The following GABRB1 variants were observed in gnomAD, a reference collection of about 807,000 sequenced individuals.
GABRB1 encodes gamma-aminobutyric acid receptor subunit beta-1.
In GABRB1, 17 loss-of-function variants were observed where a neutral mutation model predicts 51.6. The ratio of observed to expected loss-of-function variants is 0.33; its 90% CI spans 0.23 to 0.49. GABRB1 has a LOEUF of 0.49. Ranked by LOEUF, GABRB1 falls within the 20% of genes least tolerant of loss-of-function variation. The pLI is 0.99. For missense variants in GABRB1, 410 were observed against 600.6 expected, an observed-to-expected ratio of 0.68 and a Z score of 3.32; for synonymous variants, 247 against 218.9, an observed-to-expected ratio of 1.13 and a Z score of -1.14.
chr4:47,237,318 G>T (rs151068617), intron 4 of GABRB1, among the ~76,000 whole-genome samples: 1 of 151,830 alleles, frequency 6.6e-6, no homozygotes, highest in Non-Finnish European at 1.5e-5. Context: ...TTGCACCAGG[G>T]ACTATACAAG....
At chr4:47,000,851 C>T (rs1207153075) in intron 1 of GABRB1, among the ~76,000 whole-genome samples, 2 of 152,174 alleles carry the variant, frequency 1.3e-5, no homozygotes, top group African/African-American at 2.4e-5. Flanking sequence ...TATGACCAAA[C>T]CTTGAAAGTC....
At chr4:47,268,566 C>T (rs910334762) in intron 4 of GABRB1, among the ~76,000 whole-genome samples, 2 of 152,060 alleles carry the variant, frequency 1.3e-5, no homozygotes, top group Non-Finnish European at 2.9e-5. Flanking sequence ...TTTTACTATT[C>T]GCTAAGCTCC....
At chr4:47,115,093 T>C (rs146364379) in intron 3 of GABRB1, among the ~76,000 whole-genome samples, 27 of 152,326 alleles carry the variant, frequency 1.8e-4, no homozygotes, top group Middle Eastern at 3.4e-3. Context: ...AGTTTAATGA[T>C]TACTCCTTTC....
At chr4:47,118,667 A>T (rs1297732145) in intron 3 of GABRB1, among the ~76,000 whole-genome samples, 5 of 152,162 alleles carry the variant, frequency 3.3e-5, no homozygotes, top group Non-Finnish European at 7.4e-5. Flanking sequence ...ATGATTATTG[A>T]ACTAGTAGCC....
chr4:47,099,497 T>C (rs1053208987), intron 3 of GABRB1, among the ~76,000 whole-genome samples: 1 of 152,134 alleles, frequency 6.6e-6, no homozygotes, highest in Non-Finnish European at 1.5e-5. Flanking sequence ...TGGAGGAAGT[T>C]CATAATGACC....
chr4:47,029,472 A>T (rs1191414384), upstream of GABRB1, among the ~76,000 whole-genome samples: 1 of 151,356 alleles, frequency 6.6e-6, no homozygotes, highest in Non-Finnish European at 1.5e-5. Flanking sequence ...AAACCTTCTG[A>T]TGGTTAAATT....
intron 3 of GABRB1, among the ~76,000 whole-genome samples, chr4:47,036,316 A>G (rs1439812428): frequency 6.6e-6 from 1 of 152,196 alleles, no homozygotes; most frequent in Non-Finnish European, 1.5e-5. Context: ...ATATCTCATT[A>G]CTATCACTGT....
In GABRB1 at chr4:47,357,822, T is replaced by C. The variant is rs116237189; in HGVS notation, c.544+37613T>C. ...GGTTCTCTGATGTTCTCAGTGATTCTGTGGGCTGCACAACATCTTTTAATC... is the reference window on the plus strand; with the variant it reads ...GGTTCTCTGATGTTCTCAGTGATTCCGTGGGCTGCACAACATCTTTTAATC... On this transcript the variant is annotated intron_variant, in intron 5 of 8. Coordinates refer to ENST00000295454, the MANE Select transcript of GABRB1 (RefSeq NM_000812.4). Among the ~76,000 whole-genome samples the C allele has an allele frequency of 3.7e-3, 561 of 152,318 alleles. 8 individuals carry two copies. The highest frequency in any genetic ancestry group is 0.013 in the African/African-American group (538 of 41,556).
At chr4:47,407,186 G>A (rs991923836) in intron 8 of GABRB1, among the ~76,000 whole-genome samples, 2 of 152,146 alleles carry the variant, frequency 1.3e-5, no homozygotes, top group African/African-American at 4.8e-5. Context: ...CATATGTAAA[G>A]TAATAATGCT....
chr4:47,261,178 T>A (rs1282589503), intron 4 of GABRB1, among the ~76,000 whole-genome samples: 8 of 152,248 alleles, frequency 5.3e-5, no homozygotes, highest in African/African-American at 1.9e-4. Flanking sequence ...CTATTCCACA[T>A]AGAGTTGGAA....
At chr4:47,251,208 A>T (rs1316010030) in intron 4 of GABRB1, among the ~76,000 whole-genome samples, 2 of 151,946 alleles carry the variant, frequency 1.3e-5, no homozygotes, top group Non-Finnish European at 2.9e-5. Flanking sequence ...TGCAGTGATT[A>T]TTGTGCTCTT....
At chr4:47,047,577 A>G (rs1040147858) in intron 3 of GABRB1, among the ~76,000 whole-genome samples, 1 of 152,140 alleles carries the variant, frequency 6.6e-6, no homozygotes, top group Non-Finnish European at 1.5e-5. Flanking sequence ...CATTATTTCT[A>G]GTAACATTTA....
At chr4:47,246,297 T>TACAC (rs1210848598) in intron 4 of GABRB1, among the ~76,000 whole-genome samples, 6 of 89,322 alleles carry the variant, frequency 6.7e-5, no homozygotes, top group African/African-American at 1.4e-4. Flanking sequence ...TATATATATA[T>TACAC]ATACACACAC....
chr4:47,034,286 A>G (rs1381212898), intron 3 of GABRB1, among the ~76,000 whole-genome samples: 2 of 152,124 alleles, frequency 1.3e-5, no homozygotes, highest in Admixed American at 6.5e-5. Context: ...ACTCAATTAA[A>G]TAGGGAAGTT....
At chr4:47,022,945 G>A (rs2109454063) in intron 1 of GABRB1, among the ~76,000 whole-genome samples, 1 of 152,068 alleles carries the variant, frequency 6.6e-6, no homozygotes, top group South Asian at 2.1e-4. Context: ...ACAGATGAAT[G>A]AATAAAGAAA....
intron 4 of GABRB1, among the ~76,000 whole-genome samples, chr4:47,217,719 A>G (rs1302235938): frequency 6.6e-6 from 1 of 151,020 alleles, no homozygotes; most frequent in Non-Finnish European, 1.5e-5. Context: ...TTAATACATA[A>G]TTGTACATAT....
At position 47,406,914 on chromosome 4, in the gene GABRB1, G is replaced by A; in HGVS notation, c.1068G>A (p.Met356Ile). 1 of 1,613,730 alleles carries A rather than the reference G, an allele frequency of 6.2e-7. No individual in the cohort carries two copies. The highest frequency in any genetic ancestry group is 8.5e-7 in the Non-Finnish European group (1 of 1,179,890). Residue 356 changes from methionine (M) to isoleucine (I), a missense_variant, in exon 8 of 9, where the codon ATG becomes ATA. This residue lies in a region of GABRB1 where 181 missense variants were observed against 195.6 expected (regional missense o/e 0.93). Coordinates refer to ENST00000295454, the MANE Select transcript of GABRB1 (RefSeq NM_000812.4). Reference sequence around the variant, plus strand: ...CCAATGAGAAGAATAAACTGGAGATGAATAAAGTCCAGGTAAGATATTAAA... The same window carrying A: ...CCAATGAGAAGAATAAACTGGAGATAAATAAAGTCCAGGTAAGATATTAAA... The part of the protein sequence containing the change: ...QSANEKNKLE[M>I]NKVQVDAHGN...
At chr4:47,282,705 C>A (rs1163215927) in intron 4 of GABRB1, among the ~76,000 whole-genome samples, 1 of 152,140 alleles carries the variant, frequency 6.6e-6, no homozygotes, top group Non-Finnish European at 1.5e-5. Context: ...AAAATCTTTT[C>A]AGTGTATTGA....
chr4:47,153,807 G>A (rs1717566605), intron 3 of GABRB1, among the ~76,000 whole-genome samples: 1 of 151,978 alleles, frequency 6.6e-6, no homozygotes, highest in Non-Finnish European at 1.5e-5. Flanking sequence ...CTACACAGTT[G>A]GGTAGACCAA....
Sources: gnomAD v4.1 joint callset for allele counts (sites outside exome capture counted in the v4.1 genomes callset) on GRCh38, gnomAD v4.1.1 for gene constraint, gnomAD v4.1.1 regional missense constraint, MANE v1.5 for transcripts, NCBI Gene and HGNC (gene_info 2026-07-23, HGNC 2026-07-21) for gene names.